SOX5: variants seen among roughly 807,000 people sequenced by gnomAD.
SOX5 encodes SRY-box transcription factor 5.
A neutral mutation model predicts 92.0 loss-of-function variants in SOX5; 9 were observed. The ratio of observed to expected loss-of-function variants is 0.10; its 90% CI spans 0.06 to 0.17. The LOEUF (loss-of-function observed/expected upper bound fraction) is 0.17, where lower values mean the gene tolerates loss of function less well. Among genes scored for constraint, SOX5 ranks in the 10% least tolerant of loss-of-function variants. SOX5 has a pLI of 1.00. For synonymous variants in SOX5, 344 were observed against 336.3 expected (o/e 1.02, Z -0.25); for missense variants, 642 against 944.5 (o/e 0.68, Z 4.20).
chr12:24,178,663 A>T (rs1281779096), intron 4 of SOX5, among the ~76,000 whole-genome samples: 4 of 151,832 alleles, frequency 2.6e-5, no homozygotes, highest in South Asian at 4.2e-4. Flanking sequence ...TATTTTAGAT[A>T]AAAAAAAATC....
At chr12:24,159,968 A>T (rs556916471) in intron 4 of SOX5, among the ~76,000 whole-genome samples, 1 of 152,150 alleles carries the variant, frequency 6.6e-6, no homozygotes, top group South Asian at 2.1e-4. Flanking sequence ...ATCTCTGGGT[A>T]TCCAAAAATT....
At chr12:24,223,980 G>A (rs550866388) in intron 3 of SOX5, among the ~76,000 whole-genome samples, 52 of 152,322 alleles carry the variant, frequency 3.4e-4, no homozygotes, top group Middle Eastern at 3.4e-3. Flanking sequence ...ATTTAGAAGC[G>A]TTATGCAAAG....
At chr12:24,188,036 C>G (rs1001533054) in intron 4 of SOX5, among the ~76,000 whole-genome samples, 6 of 152,142 alleles carry the variant, frequency 3.9e-5, no homozygotes, top group African/African-American at 1.4e-4. Context: ...GCTGTAAATT[C>G]AAGCTCAAAG....
At chr12:24,068,533 T>C (rs1323393696) in intron 4 of SOX5, among the ~76,000 whole-genome samples, 2 of 151,632 alleles carry the variant, frequency 1.3e-5, no homozygotes, top group East Asian at 1.9e-4. Context: ...AAGCCTTCAT[T>C]TGCATATGGT....
At chr12:24,112,521 CTTTTTTT>C (rs139323766) in intron 4 of SOX5, among the ~76,000 whole-genome samples, 2,744 of 75,612 alleles carry the variant, frequency 0.036, 48 homozygotes, top group Middle Eastern at 0.11. Flanking sequence ...TTCAAGGTTC[CTTTTTTT>C]TTTTTTTTTT....
intron 2 of SOX5, among the ~76,000 whole-genome samples, chr12:23,883,299 C>A (rs749038651): frequency 6.6e-6 from 1 of 152,080 alleles, no homozygotes; most frequent in East Asian, 1.9e-4. Flanking sequence ...TCCGAGGATA[C>A]TGACAGACCT....
intron 4 of SOX5, among the ~76,000 whole-genome samples, chr12:24,046,069 G>T (rs1231790373): frequency 6.6e-6 from 1 of 152,198 alleles, no homozygotes; most frequent in Admixed American, 6.5e-5. Flanking sequence ...GGAAATGAGA[G>T]ATTTATTTTA....
Position 24,466,069 on chromosome 12 carries a change from A to T in SOX5, c.-251+96260T>A, listed in dbSNP as rs571293509. Among the ~76,000 whole-genome samples, 34 of 152,204 alleles carry T rather than the reference A, an allele frequency of 2.2e-4. No homozygotes were observed. The South Asian group carries it at 7.1e-3, about 32-fold the overall frequency. Reference sequence around the variant, plus strand: ...TTAAATCTTTTTCCATCTTTTCCATACCTTGAGAGGGTAGAAGAAAAAAAT... The same window carrying T: ...TTAAATCTTTTTCCATCTTTTCCATTCCTTGAGAGGGTAGAAGAAAAAAAT... On this transcript the variant is annotated intron_variant, in intron 1 of 4. Coordinates refer to the SOX5 transcript ENST00000446891.
At chr12:24,493,414 A>C (rs1947290649) in intron 1 of SOX5, among the ~76,000 whole-genome samples, 1 of 152,196 alleles carries the variant, frequency 6.6e-6, no homozygotes, top group Admixed American at 6.5e-5. Flanking sequence ...TAAAGTATGG[A>C]CTTTAATACT....
intron 2 of SOX5, among the ~76,000 whole-genome samples, chr12:24,278,225 T>A (rs988887090): frequency 6.6e-6 from 1 of 152,306 alleles, no homozygotes; most frequent in East Asian, 1.9e-4. Flanking sequence ...ATAGTTTTAT[T>A]ACCATACTAT....
At chr12:24,030,021 C>G (rs1026510256) in intron 4 of SOX5, among the ~76,000 whole-genome samples, 4 of 151,882 alleles carry the variant, frequency 2.6e-5, no homozygotes, top group African/African-American at 9.7e-5. Flanking sequence ...GTTGTTTTCA[C>G]CTTCGTTTTA....
At chr12:24,402,328 C>T (rs890115157) in intron 1 of SOX5, among the ~76,000 whole-genome samples, 4 of 152,168 alleles carry the variant, frequency 2.6e-5, no homozygotes, top group African/African-American at 4.8e-5. Context: ...AAAACACACA[C>T]ATAAAGATGT....
intron 13 of SOX5, among the ~76,000 whole-genome samples, chr12:23,537,899 G>A (rs948895351): frequency 1.1e-4 from 17 of 151,792 alleles, no homozygotes; most frequent in African/African-American, 3.4e-4. Context: ...TCTGATGTTC[G>A]GATTGAGAGG....
chr12:24,537,997 AACAGG>A (rs1460877389), intron 1 of SOX5, among the ~76,000 whole-genome samples: 5 of 152,202 alleles, frequency 3.3e-5, no homozygotes, highest in Non-Finnish European at 7.3e-5. Flanking sequence ...ATGTAAGACA[AACAGG>A]AATACCACCT....
intron 4 of SOX5, among the ~76,000 whole-genome samples, chr12:24,075,434 A>G (rs1942443641): frequency 6.6e-6 from 1 of 152,116 alleles, no homozygotes; most frequent in South Asian, 2.1e-4. Flanking sequence ...AAGAAATCCT[A>G]TTCTTATTAG....
chr12:24,099,626 G>A (rs1049552421), intron 4 of SOX5, among the ~76,000 whole-genome samples: 2 of 152,054 alleles, frequency 1.3e-5, no homozygotes, highest in Non-Finnish European at 2.9e-5. Context: ...GGCAGTTGGG[G>A]GAAAGGAAGC....
At chr12:23,961,092 T>C (rs1946877023) in intron 4 of SOX5, among the ~76,000 whole-genome samples, 1 of 152,186 alleles carries the variant, frequency 6.6e-6, no homozygotes, top group Non-Finnish European at 1.5e-5. Context: ...AGACCCCAGA[T>C]AGCTGTTTTC....
At chr12:24,036,479 C>A (rs947446498) in intron 4 of SOX5, among the ~76,000 whole-genome samples, 5 of 152,024 alleles carry the variant, frequency 3.3e-5, no homozygotes, top group African/African-American at 4.8e-5. Flanking sequence ...TCTTGAGAAC[C>A]GAATTGGTCT....
intron 3 of SOX5, among the ~76,000 whole-genome samples, chr12:24,226,494 A>G (rs1369089812): frequency 1.3e-5 from 2 of 151,840 alleles, no homozygotes; most frequent in African/African-American, 2.4e-5. Flanking sequence ...ATTTTGAGAT[A>G]GAATCTCACT....
Sources: gnomAD v4.1 joint callset for allele counts (sites outside exome capture counted in the v4.1 genomes callset) on GRCh38, gnomAD v4.1.1 for gene constraint, MANE v1.5 for transcripts, NCBI Gene and HGNC (gene_info 2026-07-23, HGNC 2026-07-21) for gene names.